Variants in ATRNL1 observed in about 807,000 individuals in gnomAD.
The protein encoded by ATRNL1 is attractin like 1, also known as attractin-like protein 1.
Under a neutral mutation model 182.7 loss-of-function variants are expected in ATRNL1, and 95 were observed. The observed-to-expected ratio is 0.52, with a 90% CI of 0.44 to 0.62. The LOEUF (loss-of-function observed/expected upper bound fraction) is 0.62. Among genes scored for constraint, ATRNL1 ranks in the 20% least tolerant of loss-of-function variants. The probability of loss-of-function intolerance (pLI) is 0.00; values close to 1 mark genes in which losing one functional copy is unlikely to be tolerated. For missense variants in ATRNL1, 1,471 were observed against 1,679.5 expected (o/e 0.88, Z 2.17); for synonymous variants, 576 against 568.3 (o/e 1.01, Z -0.19).
intron 9 of ATRNL1, among the ~76,000 whole-genome samples, chr10:115,223,929 A>ATATATATATATTTTTTTT (rs1420143943): frequency 1.8e-4 from 8 of 44,730 alleles, no homozygotes; most frequent in African/African-American, 3.7e-4. Flanking sequence ...ATATATATAT[A>ATATATATATATTTTTTTT]TTTTTTTTTT....
At chr10:115,436,210 A>C (rs1300769451) in intron 21 of ATRNL1, among the ~76,000 whole-genome samples, 1 of 152,146 alleles carries the variant, frequency 6.6e-6, no homozygotes, top group African/African-American at 2.4e-5. Context: ...AATGAAACTA[A>C]ATAGATGACC....
At chr10:115,174,961 G>A (rs1161703005) in intron 8 of ATRNL1, among the ~76,000 whole-genome samples, 3 of 151,898 alleles carry the variant, frequency 2.0e-5, no homozygotes, top group African/African-American at 7.2e-5. Flanking sequence ...TTTCGTATAT[G>A]TGGAACCAAG....
At chr10:115,159,911 A>G in intron 5 of ATRNL1, 129 bp from the exon 6 acceptor site, 1 of 651,862 alleles carries the variant, frequency 1.5e-6, no homozygotes, top group Non-Finnish European at 2.3e-6. Context: ...TATATTTCAG[A>G]TAATTTATGT....
At chr10:115,681,521 A>G (rs1250385788) in intron 26 of ATRNL1, among the ~76,000 whole-genome samples, 1 of 152,164 alleles carries the variant, frequency 6.6e-6, no homozygotes, top group African/African-American at 2.4e-5. Flanking sequence ...GTCTGACTCC[A>G]GAAGACCACA....
chr10:115,912,042 A>G (rs118036638), intron 28 of ATRNL1, among the ~76,000 whole-genome samples: 38 of 152,306 alleles, frequency 2.5e-4, no homozygotes, highest in Non-Finnish European at 5.1e-4. Context: ...CTTGTGACTT[A>G]AACAGTTTCC....
At chr10:115,388,247 GTCTT>G (rs1554953180) in intron 19 of ATRNL1, among the ~76,000 whole-genome samples, 1 of 152,080 alleles carries the variant, frequency 6.6e-6, no homozygotes, top group Non-Finnish European at 1.5e-5. Flanking sequence ...GTGTGCTAAA[GTCTT>G]TCTATTTGTC....
chr10:115,505,923 T>A (rs1850089466), intron 24 of ATRNL1, among the ~76,000 whole-genome samples: 1 of 151,546 alleles, frequency 6.6e-6, no homozygotes, highest in Non-Finnish European at 1.5e-5. Context: ...AGGGCTGGAT[T>A]CAGGAACCAA....
intron 5 of ATRNL1, among the ~76,000 whole-genome samples, chr10:115,130,246 T>G (rs1275281033): frequency 2.6e-5 from 4 of 152,152 alleles, no homozygotes; most frequent in Non-Finnish European, 4.4e-5. Flanking sequence ...AGAGCTTCCT[T>G]TGTGCCAACA....
chr10:115,135,097 C>T (rs1845443517), intron 5 of ATRNL1, among the ~76,000 whole-genome samples: 1 of 152,034 alleles, frequency 6.6e-6, no homozygotes, highest in South Asian at 2.1e-4. Flanking sequence ...TGGGCAAAAA[C>T]TGGAAGCATT....
intron 8 of ATRNL1, among the ~76,000 whole-genome samples, chr10:115,215,002 T>C (rs571910169): frequency 6.6e-6 from 1 of 152,186 alleles, no homozygotes; most frequent in Non-Finnish European, 1.5e-5. Context: ...CATACCAGTT[T>C]TGCTACTGAG....
chr10:115,245,783 A>T (rs1850611542), intron 10 of ATRNL1, among the ~76,000 whole-genome samples: 1 of 151,986 alleles, frequency 6.6e-6, no homozygotes. Context: ...CTCTCTGTTT[A>T]TCCGTATTTC....
chr10:115,657,036 A>G (rs547029561), intron 26 of ATRNL1, among the ~76,000 whole-genome samples: 12 of 152,324 alleles, frequency 7.9e-5, no homozygotes, highest in Non-Finnish European at 1.2e-4. Flanking sequence ...GTTTATATCA[A>G]TTAGCCTGCA....
intron 9 of ATRNL1, among the ~76,000 whole-genome samples, chr10:115,239,662 A>G (rs992620178): frequency 3.3e-5 from 5 of 152,148 alleles, no homozygotes; most frequent in African/African-American, 9.7e-5. Context: ...TGTACAGAGC[A>G]CTAGATGGGG....
chr10:115,397,213 A>G (rs1494173), intron 20 of ATRNL1, among the ~76,000 whole-genome samples: 6,459 of 152,020 alleles, frequency 0.042, 442 homozygotes, highest in African/African-American at 0.15. Flanking sequence ...CTACTAATGA[A>G]GATGAATAAC....
At chr10:115,215,498 C>T (rs1208787569) in intron 8 of ATRNL1, among the ~76,000 whole-genome samples, 199 bp from the exon 9 acceptor site, 1 of 152,060 alleles carries the variant, frequency 6.6e-6, no homozygotes, top group Non-Finnish European at 1.5e-5. Flanking sequence ...TATGGAAAGA[C>T]CAGTGTTACT....
chr10:115,476,749 C>A (rs1190185811), intron 24 of ATRNL1, among the ~76,000 whole-genome samples: 2 of 151,124 alleles, frequency 1.3e-5, no homozygotes, highest in Admixed American at 6.6e-5. Context: ...TTGCAAATGA[C>A]CTTTCTGGCC....
chr10:115,810,259 G>T (rs1411650278), intron 27 of ATRNL1, among the ~76,000 whole-genome samples: 2 of 151,904 alleles, frequency 1.3e-5, no homozygotes, highest in African/African-American at 4.8e-5. Context: ...TACTTGCCAT[G>T]TCTTTTGCAA....
chr10:115,905,330 C>T (rs973757050), intron 28 of ATRNL1, among the ~76,000 whole-genome samples: 1 of 151,984 alleles, frequency 6.6e-6, no homozygotes, highest in African/African-American at 2.4e-5. Context: ...AAGCGATCCT[C>T]GTACCTCAGC....
intron 25 of ATRNL1, among the ~76,000 whole-genome samples, chr10:115,528,037 T>TCTTCCTTCCTTC (rs782541010): frequency 1.1e-4 from 6 of 53,536 alleles, no homozygotes; most frequent in African/African-American, 3.4e-4. Context: ...CTCCTTCCTT[T>TCTTCCTTCCTTC]CTTCCTTCCT....
Sources: allele counts gnomAD v4.1 joint callset (sites outside exome capture counted in the v4.1 genomes callset), GRCh38; gene constraint gnomAD v4.1.1; transcripts MANE v1.5; gene names NCBI Gene and HGNC (gene_info 2026-07-23, HGNC 2026-07-21).